The following SNX24 variants were observed in gnomAD, a reference collection of about 807,000 sequenced individuals.
SNX24 encodes the protein sorting nexin-24.
SNX24 carries 22 observed loss-of-function variants against 28.7 expected under a neutral mutation model. The ratio of observed to expected loss-of-function variants is 0.77; its 90% CI spans 0.55 to 1.10. SNX24 has a LOEUF of 1.10. Among genes scored for constraint, SNX24 ranks in the 50% least tolerant of loss-of-function variants. SNX24 has a pLI of 0.00. For synonymous variants in SNX24, 69 were observed against 71.5 expected (o/e 0.96, Z 0.18); for missense variants, 221 against 201.1 (o/e 1.10, Z -0.60).
rs2150186341 is a variant in SNX24, at chr5:123,018,448, A to G, written n.384-10790A>G. ...TCCAGGATATCTATAACAGGACATA[A>G]TGTTACCACCTCGGACAAATGGCGG... On this transcript the variant is annotated intron_variant and non_coding_transcript_variant, in intron 5 of 5. Coordinates refer to the SNX24 transcript ENST00000502387. Among the ~76,000 whole-genome samples the G allele has an allele frequency of 1.3e-5, 2 of 152,224 alleles. 1 individual carries two copies. The highest frequency in any genetic ancestry group is 4.2e-4 in the South Asian group (2 of 4,816).
At chr5:122,868,916 A>G (rs910690038) in intron 1 of SNX24, among the ~76,000 whole-genome samples, 28 of 152,352 alleles carry the variant, frequency 1.8e-4, no homozygotes, top group African/African-American at 5.5e-4. Flanking sequence ...CCACCTTCCA[A>G]AAGTGAAACG....
chr5:122,882,242 C>T (rs1561542430), intron 1 of SNX24, among the ~76,000 whole-genome samples: 1 of 152,226 alleles, frequency 6.6e-6, no homozygotes, highest in Non-Finnish European at 1.5e-5. Flanking sequence ...TGAGCCACCA[C>T]ACACACTGAA....
chr5:122,913,625 C>T lies in SNX24; in HGVS notation c.61-23109C>T, dbSNP rs190805407. 7.6e-4 allele frequency among the ~76,000 whole-genome samples: 115 copies of T among 151,094 alleles called. 3 individuals carry two copies. In the East Asian group the frequency reaches 0.015, roughly 20 times the overall value. ...GCGGAGGGTCTCCTCACTTCTCAGA[C>T]GGGGCGGCTGCCAGGCAGAGGGTCT... On this transcript the variant is annotated intron_variant, in intron 1 of 6. Transcript: ENST00000261369.
chr5:122,959,710 T>A (rs1401763342), intron 3 of SNX24, among the ~76,000 whole-genome samples: 1 of 152,088 alleles, frequency 6.6e-6, no homozygotes, highest in African/African-American at 2.4e-5. Context: ...ATTGCATTAA[T>A]TTAGGTTACA....
At chr5:122,964,585 G>A (rs1240097103) in intron 3 of SNX24, among the ~76,000 whole-genome samples, 1 of 151,820 alleles carries the variant, frequency 6.6e-6, no homozygotes, top group Non-Finnish European at 1.5e-5. Context: ...TGTACCATAT[G>A]CATTTACTAT....
At chr5:122,879,559 G>A (rs924120507) in intron 1 of SNX24, among the ~76,000 whole-genome samples, 13 of 152,296 alleles carry the variant, frequency 8.5e-5, no homozygotes, top group Admixed American at 5.2e-4. Flanking sequence ...TTCAGACTCA[G>A]TTTCCCTCTC....
At chr5:122,918,182 G>T (rs1181857500) in intron 1 of SNX24, among the ~76,000 whole-genome samples, 1 of 152,206 alleles carries the variant, frequency 6.6e-6, no homozygotes, top group East Asian at 1.9e-4. Context: ...GCCCAAGTGG[G>T]CAGATCACCT....
intron 1 of SNX24, among the ~76,000 whole-genome samples, chr5:122,919,525 T>A (rs1182076659): frequency 6.6e-6 from 1 of 152,074 alleles, no homozygotes; most frequent in Non-Finnish European, 1.5e-5. Flanking sequence ...TCTGTAGTAG[T>A]TGATGTGGTG....
chr5:122,946,076 C>A lies in SNX24; in HGVS notation c.166C>A (p.Pro56Thr). ...HKKLKKCIKTPEIPSKHVRNW... is the reference protein window; with the variant it reads ...HKKLKKCIKTTEIPSKHVRNW... ...ATAGCTTAAGAAATGTATAAAAACT[C>A]CAGAAATCCCTTCTAAACATGTTAG... The change falls in exon 3 of 7, where the codon CCA becomes ACA. Residue 56 changes from proline to threonine, a missense_variant. Pro to Thr is a conservative substitution (Grantham distance 38). Transcript: ENST00000261369. 2 of 1,598,244 alleles carry A rather than the reference C, an allele frequency of 1.3e-6. No individual in the cohort carries two copies. Among genetic ancestry groups the A allele is most frequent in the Non-Finnish European group, 1.7e-6 (2 of 1,170,110 alleles).
intron 1 of SNX24, among the ~76,000 whole-genome samples, chr5:122,882,232 T>C (rs977805435): frequency 2.0e-5 from 3 of 152,206 alleles, no homozygotes; most frequent in African/African-American, 2.4e-5. Context: ...ATTATAGGCA[T>C]GAGCCACCAC....
intron 1 of SNX24, among the ~76,000 whole-genome samples, chr5:122,884,003 A>G (rs114721060): frequency 0.014 from 2,066 of 152,178 alleles, 19 homozygotes; most frequent in Non-Finnish European, 0.021. Context: ...ATTGGTGACT[A>G]TTTTCTGTGA....
chr5:122,858,787 T>C (rs1755323293), intron 1 of SNX24, among the ~76,000 whole-genome samples: 1 of 152,234 alleles, frequency 6.6e-6, no homozygotes, highest in South Asian at 2.1e-4. Flanking sequence ...GTTGAACATC[T>C]TTTTATATGG....
intron 1 of SNX24, among the ~76,000 whole-genome samples, chr5:122,900,140 C>T (rs1035087349): frequency 6.6e-6 from 1 of 151,712 alleles, no homozygotes; most frequent in Admixed American, 6.6e-5. Context: ...CTGCCTCAGA[C>T]TCCTGAGTAG....
chr5:123,001,961 G>A lies in SNX24; in HGVS notation c.399G>A (p.Val133=). 1 of 1,614,176 alleles carries A rather than the reference G, an allele frequency of 6.2e-7. No homozygotes were observed. Among genetic ancestry groups the A allele is most frequent in the Non-Finnish European group, 8.5e-7 (1 of 1,180,014 alleles). Residue 133 remains valine (V), a synonymous_variant, in exon 6 of 7, where the codon GTG becomes GTA. Transcript: ENST00000261369. ...EESSKLSHQP[V]LLFLRDPYVL... Reference sequence around the variant, plus strand: ...CCAGCAAACTGTCCCACCAGCCTGTGCTGCTGTTCCTCAGGGATCCATATG... The same window carrying A: ...CCAGCAAACTGTCCCACCAGCCTGTACTGCTGTTCCTCAGGGATCCATATG...
chr5:123,015,570 C>G (rs13189568), intron 5 of SNX24, among the ~76,000 whole-genome samples: 50,724 of 151,978 alleles, frequency 0.33, 9,292 homozygotes, highest in African/African-American at 0.44. Flanking sequence ...CCAGTAGCAT[C>G]AGCATCACCC....
At chr5:122,885,938 A>G (rs1194259534) in intron 1 of SNX24, among the ~76,000 whole-genome samples, 3 of 152,122 alleles carry the variant, frequency 2.0e-5, no homozygotes, top group Non-Finnish European at 4.4e-5. Flanking sequence ...CACAGTTCAC[A>G]GTAGGGTTCA....
At chr5:122,985,217 T>A (rs1761549982) in intron 3 of SNX24, among the ~76,000 whole-genome samples, 1 of 152,176 alleles carries the variant, frequency 6.6e-6, no homozygotes, top group Admixed American at 6.5e-5. Context: ...ATGTACATAG[T>A]CAGCCACAGC....
downstream of SNX24, chr5:123,009,232 T>G (rs1727855736): frequency 1.0e-6 from 1 of 984,640 alleles, no homozygotes; most frequent in Non-Finnish European, 1.2e-6. Flanking sequence ...CTCCTAAGAT[T>G]TCACTGGAAA....
chr5:123,026,709 A>C (rs1203856931), intron 5 of SNX24, among the ~76,000 whole-genome samples: 1 of 152,232 alleles, frequency 6.6e-6, no homozygotes, highest in Admixed American at 6.5e-5. Flanking sequence ...AACCTTGAAC[A>C]GGAGAACCAA....
Sources: gnomAD v4.1 joint callset for allele counts (sites outside exome capture counted in the v4.1 genomes callset) on GRCh38, gnomAD v4.1.1 for gene constraint, MANE v1.5 for transcripts, NCBI Gene and HGNC (gene_info 2026-07-23, HGNC 2026-07-21) for gene names.